CADM2: variants seen among roughly 807,000 people sequenced by gnomAD.
CADM2 encodes immunoglobulin superfamily member 4D.
In CADM2, 12 loss-of-function variants were observed where a neutral mutation model predicts 49.8. The observed-to-expected ratio is 0.24, with a 90% confidence interval of 0.15 to 0.39. The LOEUF (loss-of-function observed/expected upper bound fraction) is 0.39, where lower values mean the gene tolerates loss of function less well. CADM2 is among the 10% of genes least tolerant of loss of function. CADM2 has a pLI of 1.00. For synonymous variants in CADM2, 214 were observed against 175.4 expected (o/e 1.22, Z -1.74); for missense variants, 378 against 492.3 (o/e 0.77, Z 2.20).
intron 1 of CADM2, among the ~76,000 whole-genome samples, chr3:85,155,025 C>G (rs2040060391): frequency 1.3e-5 from 2 of 150,892 alleles, no homozygotes; most frequent in African/African-American, 4.9e-5. Flanking sequence ...GAAGAAACTG[C>G]ATCAACTAAC....
At chr3:85,212,811 TCTC>T (rs1321154585) in intron 1 of CADM2, among the ~76,000 whole-genome samples, 3 of 143,710 alleles carry the variant, frequency 2.1e-5, no homozygotes, top group African/African-American at 5.1e-5. Flanking sequence ...TTCTTTTTCT[TCTC>T]TTTCTTTCTT....
chr3:85,488,781 G>A (rs184860131), intron 1 of CADM2, among the ~76,000 whole-genome samples: 3 of 151,958 alleles, frequency 2.0e-5, no homozygotes, highest in South Asian at 2.1e-4. Flanking sequence ...TGCTCTCCTC[G>A]GCCTCCCAAA....
rs570511497 is a variant in CADM2 at position 86,044,531 on chromosome 3, G to A, written c.971-21074G>A. Among the ~76,000 whole-genome samples, 889 of 152,294 alleles carry A rather than the reference G, an allele frequency of 5.8e-3. 1 individual carries two copies. Among genetic ancestry groups the A allele is most frequent in the Middle Eastern group, 0.01 (3 of 294 alleles). On this transcript the variant is annotated intron_variant, in intron 8 of 9. Transcript: ENST00000383699. ...ATGAGATACCATCTCACACCAGTTA[G>A]AATGGCGATCATTAAACAGTCAGGA...
intron 1 of CADM2, among the ~76,000 whole-genome samples, chr3:85,196,067 A>T (rs2041336963): frequency 1.3e-5 from 2 of 152,048 alleles, no homozygotes. Flanking sequence ...ATGCTGGGTT[A>T]GAGTGTCCCC....
intron 4 of CADM2, among the ~76,000 whole-genome samples, chr3:85,885,782 G>C (rs1293980421): frequency 7.0e-6 from 1 of 142,036 alleles, no homozygotes; most frequent in African/African-American, 2.6e-5. Context: ...AACTTGGGAG[G>C]CAAAGGTTGC....
chr3:85,364,819 A>G (rs2032626170), intron 1 of CADM2, among the ~76,000 whole-genome samples: 1 of 152,104 alleles, frequency 6.6e-6, no homozygotes, highest in South Asian at 2.1e-4. Flanking sequence ...ACGCCAAGGA[A>G]CATACCCTTG....
chr3:85,098,361 C>G lies in CADM2; in HGVS notation c.61+138693C>G, dbSNP rs963039119. Among the ~76,000 whole-genome samples, 4 of 151,830 alleles carry G rather than the reference C, an allele frequency of 2.6e-5. No homozygotes were observed. In the South Asian group the frequency reaches 6.3e-4, roughly 24 times the overall value. ...ATGTAAGAGGGAAAAAAAAATATGA[C>G]CAAAGTTAAGAAATCTTAACTTTCT... On this transcript the variant is annotated intron_variant, in intron 1 of 9. Coordinates refer to ENST00000383699, the MANE Select transcript of CADM2 (RefSeq NM_001167675.2).
At chr3:85,988,364 G>T (rs142884380) in intron 8 of CADM2, among the ~76,000 whole-genome samples, 1 of 152,086 alleles carries the variant, frequency 6.6e-6, no homozygotes, top group African/African-American at 2.4e-5. Context: ...TACAAGACAA[G>T]GAAGCAGATT....
intron 8 of CADM2, among the ~76,000 whole-genome samples, chr3:86,059,680 T>A (rs1420596355): frequency 1.3e-5 from 2 of 152,182 alleles, no homozygotes; most frequent in African/African-American, 4.8e-5. Flanking sequence ...TTCAGAAAGC[T>A]TTACTTCGTC....
intron 3 of CADM2, among the ~76,000 whole-genome samples, chr3:85,847,891 A>C (rs946903886): frequency 1.3e-5 from 2 of 152,162 alleles, no homozygotes; most frequent in African/African-American, 4.8e-5. Context: ...TGGCTGAACC[A>C]GTTCTAGCCA....
chr3:85,533,081 G>A (rs62252508), intron 1 of CADM2, among the ~76,000 whole-genome samples: 90,305 of 151,938 alleles, frequency 0.59, 28,324 homozygotes, highest in East Asian at 0.93. Context: ...TGTTTAAACA[G>A]TCTTTACAGT....
intron 1 of CADM2, among the ~76,000 whole-genome samples, chr3:85,162,671 C>G (rs2040362594): frequency 6.6e-6 from 1 of 151,992 alleles, no homozygotes; most frequent in South Asian, 2.1e-4. Context: ...CTGTTATTAA[C>G]ATAGTATTTT....
At chr3:86,028,992 T>C (rs971448477) in intron 8 of CADM2, among the ~76,000 whole-genome samples, 3 of 152,180 alleles carry the variant, frequency 2.0e-5, no homozygotes, top group Non-Finnish European at 4.4e-5. Flanking sequence ...TGGATAGGGA[T>C]ACAATGAATT....
Position 85,629,198 on chromosome 3 carries a change from C to T in CADM2, c.62-97324C>T, listed in dbSNP as rs541431605. ...AAAGTATTTTGGAATATCTTGTGGA[C>T]AGCACTTTATTGATATTACAAAGCA... is the stretch of plus-strand genomic sequence containing the variant. On this transcript the variant is annotated intron_variant, in intron 1 of 9. Coordinates refer to ENST00000383699, the MANE Select transcript of CADM2 (RefSeq NM_001167675.2). Among the ~76,000 whole-genome samples, 3 of 151,756 alleles carry T rather than the reference C, an allele frequency of 2.0e-5. No individual in the cohort carries two copies. In the East Asian group the frequency reaches 5.8e-4, roughly 29 times the overall value.
chr3:85,820,125 C>A (rs867177114), intron 3 of CADM2, among the ~76,000 whole-genome samples: 2 of 152,084 alleles, frequency 1.3e-5, no homozygotes, highest in South Asian at 2.1e-4. Context: ...GAAAGAAGAG[C>A]TCAGCCAGCG....
intron 1 of CADM2, among the ~76,000 whole-genome samples, chr3:85,565,099 A>G (rs570929414): frequency 6.6e-6 from 1 of 152,110 alleles, no homozygotes; most frequent in Non-Finnish European, 1.5e-5. Context: ...AGATGGTATC[A>G]TGCCAATTTA....
chr3:85,337,472 A>G (rs1310687729), intron 1 of CADM2, among the ~76,000 whole-genome samples: 2 of 151,464 alleles, frequency 1.3e-5, no homozygotes, highest in Admixed American at 6.6e-5. Context: ...TAATTGGGAC[A>G]AAAATAAATG....
chr3:85,861,003 G>A (rs1559706685), intron 3 of CADM2, among the ~76,000 whole-genome samples: 1 of 152,174 alleles, frequency 6.6e-6, no homozygotes, highest in African/African-American at 2.4e-5. Context: ...TGAGGTCACA[G>A]AAGTGATGGG....
chr3:85,829,473 C>T (rs1438272180), intron 3 of CADM2, among the ~76,000 whole-genome samples: 4 of 151,832 alleles, frequency 2.6e-5, no homozygotes, highest in Non-Finnish European at 5.9e-5. Context: ...AATCACTATA[C>T]ATTTATTCTG....
Sources: allele counts gnomAD v4.1 joint callset (sites outside exome capture counted in the v4.1 genomes callset), GRCh38; gene constraint gnomAD v4.1.1; transcripts MANE v1.5; gene names NCBI Gene and HGNC (gene_info 2026-07-23, HGNC 2026-07-21).